Variants in COL8A2 observed in about 807,000 individuals in gnomAD.
The protein encoded by COL8A2 is collagen type VIII alpha 2 chain, also known as collagen alpha-2(VIII) chain.
A neutral mutation model predicts 24.0 loss-of-function variants in COL8A2; 16 were observed. The ratio of observed to expected loss-of-function variants is 0.67; its 90% CI spans 0.45 to 1.01. The LOEUF (loss-of-function observed/expected upper bound fraction) is 1.01, where lower values mean the gene tolerates loss of function less well. COL8A2 is among the 50% of genes least tolerant of loss of function. COL8A2 has a pLI of 0.00. For synonymous variants in COL8A2, 466 were observed against 424.5 expected (o/e 1.10, Z -1.20); for missense variants, 818 against 942.4 (o/e 0.87, Z 1.73).
chr1:36,114,956 C>G (rs1346817211), intron 2 of COL8A2, among the ~76,000 whole-genome samples: 1 of 152,140 alleles, frequency 6.6e-6, no homozygotes, highest in Non-Finnish European at 1.5e-5. Context: ...CGCTGCTTCC[C>G]TAGGGAGGAG....
At chr1:36,104,142 C>T (rs1643721240) in intron 2 of COL8A2, among the ~76,000 whole-genome samples, 1 of 151,482 alleles carries the variant, frequency 6.6e-6, no homozygotes, top group Non-Finnish European at 1.5e-5. Flanking sequence ...CACAGTGAGC[C>T]GAGATCATGC....
chr1:36,115,008 G>T lies in COL8A2; in HGVS notation c.-17+700C>A, dbSNP rs1026799155. On this transcript the variant is annotated intron_variant, in intron 2 of 3. Transcript: ENST00000397799. The surrounding 1 kb of genome is among the most constrained non-coding windows in gnomAD (Gnocchi z 5.7). Reference sequence around the variant, plus strand: ...AGTGCCCAGGAAGGTAAGAACAGCCGGGCAGGGGCAGATGGACTAGAAAAG... The same window carrying T: ...AGTGCCCAGGAAGGTAAGAACAGCCTGGCAGGGGCAGATGGACTAGAAAAG... Among the ~76,000 whole-genome samples the T allele has an allele frequency of 1.3e-5, 2 of 152,124 alleles. No homozygotes were observed. Among genetic ancestry groups the T allele is most frequent in the Non-Finnish European group, 2.9e-5 (2 of 68,018 alleles).
At chr1:36,105,417 G>A (rs1643743222) in intron 2 of COL8A2, among the ~76,000 whole-genome samples, 2 of 152,204 alleles carry the variant, frequency 1.3e-5, no homozygotes, top group Admixed American at 1.3e-4. Flanking sequence ...ACAGAGGTAG[G>A]AAATGGAAGC....
At chr1:36,103,416 GC>G (rs1643708121) in intron 2 of COL8A2, among the ~76,000 whole-genome samples, 2 of 152,076 alleles carry the variant, frequency 1.3e-5, no homozygotes, top group South Asian at 4.1e-4. Flanking sequence ...GGGACTACAG[GC>G]GCCCGCCAAC....
chr1:36,107,175 C>T (rs1165516372), intron 2 of COL8A2, among the ~76,000 whole-genome samples: 1 of 152,106 alleles, frequency 6.6e-6, no homozygotes, highest in Non-Finnish European at 1.5e-5. Flanking sequence ...GAGGCTGCGA[C>T]GGGAGGATCA....
In COL8A2 at chr1:36,096,785, T is replaced by A. The variant is rs1643572382; in HGVS notation, c.*784A>T. 6.6e-6 allele frequency: 1 copy of A among 152,334 alleles called. No individual in the cohort carries two copies. The highest frequency in any genetic ancestry group is 2.4e-5 in the African/African-American group (1 of 41,454). 9.4% of individuals were successfully genotyped at this position (152,334 alleles called of 1,614,324 possible). A position where few individuals can be genotyped will look rare whatever the true frequency, so the allele number is the denominator to read the frequency against. On this transcript the variant is annotated 3_prime_UTR_variant, in exon 4 of 4. Transcript: ENST00000397799. ...GAGGTTGATCTTTCTGGCCTGTAGG[T>A]GTCCCAGGGGCCTCTGTGCTGCCCT...
intron 1 of COL8A2, among the ~76,000 whole-genome samples, chr1:36,118,491 G>A (rs555690040): frequency 6.6e-6 from 1 of 152,330 alleles, no homozygotes; most frequent in African/African-American, 2.4e-5. Flanking sequence ...AGGAAGCTGG[G>A]GTGAGTGGGT....
intron 1 of COL8A2, among the ~76,000 whole-genome samples, chr1:36,121,603 G>C (rs1643914897): frequency 6.7e-6 from 1 of 149,914 alleles, no homozygotes; most frequent in East Asian, 2.0e-4. Context: ...AGGTACTTGG[G>C]AGGCTGAGGT....
intron 1 of COL8A2, among the ~76,000 whole-genome samples, chr1:36,121,686 G>A (rs1380199432): frequency 4.7e-5 from 7 of 149,828 alleles, no homozygotes; most frequent in Non-Finnish European, 7.4e-5. Context: ...CAGCCTGGGT[G>A]ACAAGAGCCA....
chr1:36,100,391 T>C, intron 2 of COL8A2, 133 bp from the exon 3 acceptor site: 1 of 875,754 alleles, frequency 1.1e-6, no homozygotes, highest in African/African-American at 1.7e-5. Context: ...CAATTCCGAA[T>C]TTAGATATTA....
chr1:36,104,209 G>A (rs1424604038), intron 2 of COL8A2, among the ~76,000 whole-genome samples: 1 of 150,474 alleles, frequency 6.6e-6, no homozygotes, highest in African/African-American at 2.4e-5. Context: ...AACAAAAAAT[G>A]GGCCAGGCGC....
intron 2 of COL8A2, among the ~76,000 whole-genome samples, chr1:36,109,196 C>T (rs1282609216): frequency 6.6e-6 from 1 of 152,208 alleles, no homozygotes; most frequent in African/African-American, 2.4e-5. Context: ...TTATGAGACG[C>T]TTCCTGTTGT....
intron 1 of COL8A2, among the ~76,000 whole-genome samples, chr1:36,116,290 C>T (rs902538318): frequency 1.1e-4 from 17 of 152,172 alleles, no homozygotes; most frequent in Non-Finnish European, 1.2e-4. Context: ...TTAGCAATAC[C>T]CACGGGGTGC....
At position 36,100,123 on chromosome 1, in the gene COL8A2, T is replaced by C; in HGVS notation, c.120A>G (p.Pro40=). 1.2e-6 allele frequency: 2 copies of C among 1,612,988 alleles called. No individual in the cohort carries two copies. The highest frequency in any genetic ancestry group is 1.7e-6 in the Non-Finnish European group (2 of 1,179,532). ...GGAGGAAGYA[P]VKYIQPMQKG... The stretch of plus-strand genomic sequence containing the variant: ...TCTGCATGGGCTGGATGTACTTCAC[T>C]GGGGCATAGCCCGCCGCCCCACCGG... Residue 40 remains proline, a synonymous_variant, in exon 3 of 4, where the codon CCA becomes CCG. Coordinates refer to ENST00000397799, the MANE Select transcript of COL8A2 (RefSeq NM_005202.4).
chr1:36,116,165 A>G (rs549182188), intron 1 of COL8A2, among the ~76,000 whole-genome samples: 4 of 151,962 alleles, frequency 2.6e-5, no homozygotes, highest in Admixed American at 2.6e-4. Flanking sequence ...TTCTTACCAG[A>G]ACCCCCTGCT....
At chr1:36,121,855 GCCGTGTGACCT>G (rs1213258612) in intron 1 of COL8A2, among the ~76,000 whole-genome samples, 1 of 152,168 alleles carries the variant, frequency 6.6e-6, no homozygotes, top group Non-Finnish European at 1.5e-5. Context: ...GCCTCTGGCT[GCCGTGTGACCT>G]CAGGTGAGTT....
At chr1:36,103,676 C>G (rs951322557) in intron 2 of COL8A2, among the ~76,000 whole-genome samples, 2 of 151,804 alleles carry the variant, frequency 1.3e-5, no homozygotes, top group Non-Finnish European at 2.9e-5. Context: ...CTCTGCTTCC[C>G]GGGTTCAAGC....
intron 2 of COL8A2, among the ~76,000 whole-genome samples, chr1:36,109,581 CTT>C (rs10715688): frequency 0.012 from 1,732 of 141,084 alleles, 9 homozygotes; most frequent in Middle Eastern, 0.022. Context: ...AGTAACCACT[CTT>C]TTTTTTTTTT....
intron 1 of COL8A2, among the ~76,000 whole-genome samples, chr1:36,116,669 G>T (rs542444259): frequency 2.0e-5 from 3 of 152,228 alleles, no homozygotes; most frequent in Non-Finnish European, 2.9e-5. Flanking sequence ...CACTGCAGCT[G>T]GGTCCTGAAG....
Sources: allele counts gnomAD v4.1 joint callset (sites outside exome capture counted in the v4.1 genomes callset), GRCh38; gene constraint gnomAD v4.1.1; non-coding constraint Gnocchi (gnomAD v3.1); transcripts MANE v1.5; gene names NCBI Gene and HGNC (gene_info 2026-07-23, HGNC 2026-07-21).